The following IL1RAPL1 variants were observed in gnomAD, a reference collection of about 807,000 sequenced individuals.
The protein encoded by IL1RAPL1 is interleukin 1 receptor accessory protein like 1, also known as interleukin-1 receptor accessory protein-like 1.
In IL1RAPL1, 3 loss-of-function variants were observed where a neutral mutation model predicts 48.4. That is an observed-to-expected ratio of 0.06 (90% CI 0.03 to 0.16). The LOEUF is 0.16. Among genes scored for constraint, IL1RAPL1 ranks in the 10% least tolerant of loss-of-function variants. The pLI is 1.00. For synonymous variants in IL1RAPL1, 185 were observed against 187.7 expected, an observed-to-expected ratio of 0.99 and a Z score of 0.12; for missense variants, 349 against 530.6, an observed-to-expected ratio of 0.66 and a Z score of 3.36.
intron 6 of IL1RAPL1, among the ~76,000 whole-genome samples, chrX:29,832,955 A>G (rs1930915515): frequency 9.0e-6 from 1 of 111,069 alleles, no homozygotes; most frequent in Non-Finnish European, 1.9e-5. Context: ...ATGGTGGGGG[A>G]AAAACTCAAA....
chrX:28,604,151 C>T (rs1934058270), intron 1 of IL1RAPL1, among the ~76,000 whole-genome samples: 1 of 111,731 alleles, frequency 9.0e-6, no homozygotes, highest in African/African-American at 3.3e-5. Flanking sequence ...GCTTTTTTCC[C>T]TACTTTTCCC....
Position 28,985,753 on chromosome X carries a change from G to A in IL1RAPL1, c.82+196328G>A, listed in dbSNP as rs751083537. Among the ~76,000 whole-genome samples the A allele has an allele frequency of 3.4e-3, 356 of 104,961 alleles. 3 individuals are homozygous for A. Among genetic ancestry groups the A allele is most frequent in the Non-Finnish European group, 5.6e-3 (288 of 51,777 alleles). 91.1% of individuals were successfully genotyped at this position (104,961 alleles called of 115,157 possible). A position where few individuals can be genotyped will look rare whatever the true frequency, so the allele number is the denominator to read the frequency against. On this transcript the variant is annotated intron_variant, in intron 2 of 10. Coordinates refer to ENST00000378993, the MANE Select transcript of IL1RAPL1 (RefSeq NM_014271.4). ...CGGCTCACTACAAGCTCCGCCTCCC[G>A]GGTTCACGCCATTCTCCTGCCTCAG...
intron 6 of IL1RAPL1, among the ~76,000 whole-genome samples, chrX:29,913,411 TACACATATATGTATACATATATAAAC>T (rs1297473595): frequency 1.4e-5 from 1 of 70,915 alleles, no homozygotes; most frequent in East Asian, 3.0e-4. Flanking sequence ...CACACATATA[TACACATATATGTATACATATATAAAC>T]ACACATATAT....
chrX:29,659,373 A>T (rs1320715364), intron 5 of IL1RAPL1, among the ~76,000 whole-genome samples: 3 of 112,041 alleles, frequency 2.7e-5, no homozygotes, highest in Admixed American at 1.9e-4. Flanking sequence ...TGCAAATGAC[A>T]GATTTTCATA....
chrX:28,849,275 T>C (rs1219633642), intron 2 of IL1RAPL1, among the ~76,000 whole-genome samples: 3 of 111,751 alleles, frequency 2.7e-5, no homozygotes, highest in Non-Finnish European at 3.8e-5. Context: ...GAATTAATTA[T>C]ATTTTCATCT....
intron 1 of IL1RAPL1, among the ~76,000 whole-genome samples, chrX:28,735,278 G>GTACAT (rs2146948948): frequency 9.1e-6 from 1 of 109,724 alleles, no homozygotes; most frequent in Non-Finnish European, 1.9e-5. Flanking sequence ...GTAAAGCAAT[G>GTACAT]TACATGTTCA....
chrX:28,813,724 A>G (rs1039050687), intron 2 of IL1RAPL1, among the ~76,000 whole-genome samples: 1 of 110,849 alleles, frequency 9.0e-6, no homozygotes, highest in Non-Finnish European at 1.9e-5. Flanking sequence ...AGGTGTAGGC[A>G]TGTTTAGGAT....
chrX:29,327,038 C>T (rs1356187274), intron 3 of IL1RAPL1, among the ~76,000 whole-genome samples: 1 of 111,419 alleles, frequency 9.0e-6, no homozygotes, highest in African/African-American at 3.3e-5. Context: ...CTAGAGGTTG[C>T]AATACCCATG....
At chrX:29,764,332 G>A (rs751523547) in intron 6 of IL1RAPL1, among the ~76,000 whole-genome samples, 6 of 111,488 alleles carry the variant, frequency 5.4e-5, no homozygotes, top group African/African-American at 1.6e-4. Flanking sequence ...ATATGCAGAC[G>A]ATTGCTTTAT....
chrX:29,419,272 C>T (rs919686575), intron 5 of IL1RAPL1, among the ~76,000 whole-genome samples: 2 of 111,154 alleles, frequency 1.8e-5, no homozygotes, highest in African/African-American at 3.3e-5. Context: ...ACATATACTT[C>T]TTCTCATTCA....
intron 1 of IL1RAPL1, among the ~76,000 whole-genome samples, chrX:28,719,367 T>G (rs1935541560): frequency 9.0e-6 from 1 of 111,438 alleles, no homozygotes; most frequent in African/African-American, 3.3e-5. Flanking sequence ...ATTACTGTTA[T>G]TATTATTAAG....
At chrX:28,948,217 G>A (rs1169157902) in intron 2 of IL1RAPL1, among the ~76,000 whole-genome samples, 1 of 111,436 alleles carries the variant, frequency 9.0e-6, no homozygotes, top group Non-Finnish European at 1.9e-5. Context: ...ATATATTGAA[G>A]TTATTATGTA....
chrX:29,346,414 A>T, intron 3 of IL1RAPL1, among the ~76,000 whole-genome samples: 1 of 111,897 alleles, frequency 8.9e-6, no homozygotes, highest in Non-Finnish European at 1.9e-5. Context: ...AGTTGGGAGG[A>T]TTCTTGATTG....
At chrX:29,088,482 C>G (rs2147453875) in intron 2 of IL1RAPL1, among the ~76,000 whole-genome samples, 1 of 108,875 alleles carries the variant, frequency 9.2e-6, no homozygotes, top group South Asian at 4.0e-4. Context: ...TCAAGACCAG[C>G]CTGGCCAACA....
chrX:28,768,785 A>ACT (rs1936278523), intron 1 of IL1RAPL1, among the ~76,000 whole-genome samples: 1 of 67,910 alleles, frequency 1.5e-5, no homozygotes, highest in Non-Finnish European at 2.7e-5. Flanking sequence ...ATATACACAC[A>ACT]CTATATATAT....
At chrX:29,587,566 T>C (rs1923221952) in intron 5 of IL1RAPL1, among the ~76,000 whole-genome samples, 1 of 112,255 alleles carries the variant, frequency 8.9e-6, no homozygotes, top group Admixed American at 9.5e-5. Context: ...TTAATACATC[T>C]GTTAATAACT....
chrX:29,283,327 A>G, intron 3 of IL1RAPL1, 110 bp downstream of exon 3: 1 of 734,388 alleles, frequency 1.4e-6, no homozygotes, highest in East Asian at 3.3e-5. Flanking sequence ...CAATATTTGC[A>G]TGTGTTGCTG....
chrX:29,886,165 G>C (rs944154072), intron 6 of IL1RAPL1, among the ~76,000 whole-genome samples: 1 of 111,946 alleles, frequency 8.9e-6, no homozygotes, highest in Non-Finnish European at 1.9e-5. Context: ...AAACAGTTAA[G>C]GTCAGTCGTA....
chrX:29,493,893 A>T (rs147275380), intron 5 of IL1RAPL1, among the ~76,000 whole-genome samples: 1,557 of 110,116 alleles, frequency 0.014, 24 homozygotes, highest in African/African-American at 0.049. Flanking sequence ...TGCGAATTCA[A>T]TGCTTAGTAT....
Sources: gnomAD v4.1 joint callset for allele counts (sites outside exome capture counted in the v4.1 genomes callset) on GRCh38, gnomAD v4.1.1 for gene constraint, MANE v1.5 for transcripts, NCBI Gene and HGNC (gene_info 2026-07-23, HGNC 2026-07-21) for gene names.